The following KDM6A variants were observed in gnomAD, a reference collection of about 807,000 sequenced individuals.
KDM6A encodes lysine-specific demethylase 6A.
KDM6A carries 11 observed loss-of-function variants against 117.6 expected under a neutral mutation model. That is an observed-to-expected ratio of 0.09 (90% confidence interval 0.06 to 0.15). KDM6A has a LOEUF of 0.15. Ranked by LOEUF, KDM6A falls within the 10% of genes least tolerant of loss-of-function variation. KDM6A has a pLI of 1.00. For synonymous variants in KDM6A, 384 were observed against 396.1 expected (o/e 0.97, Z 0.36); for missense variants, 799 against 1,077.3 (o/e 0.74, Z 3.62).
intron 4 of KDM6A, among the ~76,000 whole-genome samples, chrX:45,004,535 G>A (rs1206912088): frequency 1.8e-5 from 2 of 111,163 alleles, no homozygotes; most frequent in African/African-American, 6.6e-5. Flanking sequence ...CCTAGCCCAA[G>A]GGGATCATCC....
At chrX:44,986,151 T>A (rs745961195) in intron 4 of KDM6A, among the ~76,000 whole-genome samples, 2,960 of 111,733 alleles carry the variant, frequency 0.026, 97 homozygotes, top group African/African-American at 0.092. Flanking sequence ...GGTGTATGTG[T>A]CAAGGAATTT....
At chrX:44,906,246 G>C (rs928295453) in intron 2 of KDM6A, among the ~76,000 whole-genome samples, 1 of 110,905 alleles carries the variant, frequency 9.0e-6, no homozygotes, top group Non-Finnish European at 1.9e-5. Flanking sequence ...ACTCTCCCCG[G>C]ATTAAGCTAT....
At chrX:45,037,752 C>A in intron 8 of KDM6A, 63 bp downstream of exon 8, 1 of 885,111 alleles carries the variant, frequency 1.1e-6, no homozygotes. Flanking sequence ...TCCTATCATG[C>A]TTTACTGAAA....
At chrX:44,942,789 G>A (rs2037409134) in intron 2 of KDM6A, among the ~76,000 whole-genome samples, 2 of 109,736 alleles carry the variant, frequency 1.8e-5, no homozygotes, top group African/African-American at 6.6e-5. Flanking sequence ...CGGGGGTTGG[G>A]GCAGGTGTTA....
At chrX:45,067,377 T>G (rs2044574830) in intron 17 of KDM6A, among the ~76,000 whole-genome samples, 1 of 112,090 alleles carries the variant, frequency 8.9e-6, no homozygotes, top group African/African-American at 3.2e-5. Flanking sequence ...CTTTGTCACA[T>G]TTCTGCATAT....
chrX:45,101,529 G>T (rs972252875), intron 27 of KDM6A, among the ~76,000 whole-genome samples: 1 of 110,524 alleles, frequency 9.0e-6, no homozygotes, highest in African/African-American at 3.3e-5. Flanking sequence ...GAGTGGGAGA[G>T]ATGCTACTAG....
chrX:45,084,373 C>T (rs760179690), intron 24 of KDM6A, among the ~76,000 whole-genome samples: 75 of 111,849 alleles, frequency 6.7e-4, no homozygotes, highest in Non-Finnish European at 1.3e-3. Flanking sequence ...CAGCACTGAT[C>T]AATTAGAAGA....
intron 19 of KDM6A, among the ~76,000 whole-genome samples, chrX:45,077,965 TTTC>T (rs1295593517): frequency 6.3e-5 from 7 of 111,599 alleles, no homozygotes; most frequent in Admixed American, 9.6e-5. Context: ...ACCATTCTAC[TTTC>T]TGTTTCTATA....
At chrX:45,057,757 T>C (rs2044134641) in intron 10 of KDM6A, among the ~76,000 whole-genome samples, 1 of 111,022 alleles carries the variant, frequency 9.0e-6, no homozygotes, top group Admixed American at 9.7e-5. Context: ...TCATCTTCTC[T>C]GCCCGAATCA....
At chrX:44,988,529 A>G (rs940819256) in intron 4 of KDM6A, among the ~76,000 whole-genome samples, 8 of 110,193 alleles carry the variant, frequency 7.3e-5, no homozygotes, top group Non-Finnish European at 1.1e-4. Flanking sequence ...TTTTTTCCCC[A>G]TCTTTGTGGT....
At chrX:45,010,447 CTGCAA>C (rs1173377726) in intron 4 of KDM6A, among the ~76,000 whole-genome samples, 2 of 111,807 alleles carry the variant, frequency 1.8e-5, no homozygotes, top group Non-Finnish European at 3.8e-5. Flanking sequence ...TTGTTTCATA[CTGCAA>C]AAGGAGTCAA....
intron 3 of KDM6A, among the ~76,000 whole-genome samples, chrX:44,964,591 A>G (rs1161213575): frequency 2.7e-5 from 3 of 111,755 alleles, no homozygotes; most frequent in African/African-American, 6.5e-5. Context: ...AACCAGGTGC[A>G]TTGTCGGTGA....
At chrX:45,037,747 T>C in intron 8 of KDM6A, 58 bp downstream of exon 8, 1 of 915,591 alleles carries the variant, frequency 1.1e-6, no homozygotes, top group Non-Finnish European at 1.6e-6. Context: ...ATTACTCCTA[T>C]CATGCTTTAC....
intron 19 of KDM6A, 147 bp downstream of exon 19, chrX:45,076,973 T>G: frequency 4.2e-6 from 2 of 479,510 alleles, no homozygotes; most frequent in Non-Finnish European, 7.1e-6. Context: ...GGGGAAGATA[T>G]ATTCAAGAAG....
intron 2 of KDM6A, among the ~76,000 whole-genome samples, chrX:44,931,017 C>G (rs1030478848): frequency 7.1e-5 from 8 of 111,976 alleles, no homozygotes; most frequent in African/African-American, 2.6e-4. Flanking sequence ...TCTTATCCAA[C>G]AACCCCACTT....
chrX:44,990,591 A>AAATAAAT (rs1335345598), intron 4 of KDM6A, among the ~76,000 whole-genome samples: 29 of 61,834 alleles, frequency 4.7e-4, no homozygotes, highest in East Asian at 1.3e-3. Context: ...AATAAATAAA[A>AAATAAAT]GCTGTCATCT....
intron 2 of KDM6A, among the ~76,000 whole-genome samples, chrX:44,929,851 T>C (rs1220467865): frequency 9.0e-6 from 1 of 110,987 alleles, no homozygotes; most frequent in Non-Finnish European, 1.9e-5. Flanking sequence ...CCTTTTAAGC[T>C]CAGGGGTACA....
At chrX:45,004,124 G>C (rs958940968) in intron 4 of KDM6A, among the ~76,000 whole-genome samples, 1 of 110,687 alleles carries the variant, frequency 9.0e-6, no homozygotes, top group Admixed American at 9.6e-5. Flanking sequence ...ATCCTCTCTT[G>C]AAGTGGCCTG....
At chrX:44,901,404 G>A (rs937797758) in intron 2 of KDM6A, among the ~76,000 whole-genome samples, 8 of 110,699 alleles carry the variant, frequency 7.2e-5, no homozygotes, top group Admixed American at 2.9e-4. Flanking sequence ...GTGGCCTAAC[G>A]TGGTTTGTCA....
Sources: gnomAD v4.1 joint callset for allele counts (sites outside exome capture counted in the v4.1 genomes callset) on GRCh38, gnomAD v4.1.1 for gene constraint, MANE v1.5 for transcripts, NCBI Gene and HGNC (gene_info 2026-07-23, HGNC 2026-07-21) for gene names.